COQ5: variants seen among roughly 807,000 people sequenced by gnomAD.
The protein encoded by COQ5 is 2-methoxy-6-polyprenyl-1,4-benzoquinol methylase, mitochondrial.
In COQ5, 27 loss-of-function variants were observed where a neutral mutation model predicts 40.5. The observed-to-expected ratio is 0.67, with a 90% CI of 0.49 to 0.92. The LOEUF is 0.92. COQ5 is among the 40% of genes least tolerant of loss of function. COQ5 has a pLI of 0.00. For missense variants in COQ5, 409 were observed against 406.4 expected (o/e 1.01, Z -0.06); for synonymous variants, 141 against 150.0 (o/e 0.94, Z 0.44).
chr12:120,517,463 G>A (rs1475774163), intron 2 of COQ5, among the ~76,000 whole-genome samples: 1 of 149,468 alleles, frequency 6.7e-6, no homozygotes, highest in Non-Finnish European at 1.5e-5. Context: ...GAGGTCAGGA[G>A]ATCGAGACCA....
chr12:120,528,906 A>T, intron 1 of COQ5, 34 bp downstream of exon 1: 1 of 1,589,650 alleles, frequency 6.3e-7, no homozygotes. Context: ...ATGGACGGTC[A>T]GATCCCTCCC....
chr12:120,525,817 C>T (rs1007963360), intron 1 of COQ5, among the ~76,000 whole-genome samples: 3 of 151,864 alleles, frequency 2.0e-5, no homozygotes, highest in Non-Finnish European at 2.9e-5. Context: ...CCCAGCTACT[C>T]GGGAGGCTGA....
chr12:120,504,059 G>A lies in COQ5; in HGVS notation c.793C>T (p.Gln265Ter), dbSNP rs1375725005. ...ISRLYDLYSF[Q>*]VIPVLGEVIA... ...ACCTCTCCCAGGACAGGGATGACCT[G>A]GAAGCTATATAGATCATAAAGCCTA... Residue 265 changes from glutamine (Q) to a stop codon, truncating the protein, a stop_gained, in exon 6 of 7, where the codon CAG (glutamine) becomes TAG (stop). Transcript: ENST00000288532. LOFTEE classifies it high-confidence loss of function. The A allele has an allele frequency of 1.2e-6, 2 of 1,610,224 alleles. No individual in the cohort carries two copies. The highest frequency in any genetic ancestry group is 1.3e-5 in the African/African-American group (1 of 74,942).
At chr12:120,520,570 C>T (rs535012112) in intron 2 of COQ5, among the ~76,000 whole-genome samples, 1 of 152,044 alleles carries the variant, frequency 6.6e-6, no homozygotes, top group Non-Finnish European at 1.5e-5. Context: ...ATGATCCGAC[C>T]GCCTCGGGCT....
rs1471570006 is a variant in COQ5, at chr12:120,522,371, G to A, written c.203-8C>T. The A allele has an allele frequency of 6.2e-7, 1 of 1,612,220 alleles. No individual in the cohort carries two copies. Among genetic ancestry groups the A allele is most frequent in the Non-Finnish European group, 8.5e-7 (1 of 1,178,472 alleles). On this transcript the variant is annotated splice_region_variant and splice_polypyrimidine_tract_variant and intron_variant, in intron 1 of 6. Coordinates refer to ENST00000288532, the MANE Select transcript of COQ5 (RefSeq NM_032314.4). ...TTTCAAACACCTGATAGACTGACATGGGAGAAACACACACAATAGTGCTAT... is the reference window on the plus strand; with the variant it reads ...TTTCAAACACCTGATAGACTGACATAGGAGAAACACACACAATAGTGCTAT...
intron 1 of COQ5, among the ~76,000 whole-genome samples, chr12:120,524,968 T>C (rs1836703825): frequency 1.3e-5 from 2 of 151,616 alleles, no homozygotes; most frequent in South Asian, 2.1e-4. Flanking sequence ...CGTGCCACCA[T>C]GCCCAGCTAA....
In COQ5 at chr12:120,524,905, G is replaced by A. The variant is rs1336342711; in HGVS notation, c.203-2542C>T. On this transcript the variant is annotated intron_variant, in intron 1 of 6. Transcript: ENST00000288532. ...GTGATCTTGGCTCACTGTAACCTCC[G>A]CCTCCCGGCAATTCTCCTGGCTCAG... Among the ~76,000 whole-genome samples, 23 of 147,134 alleles carry A rather than the reference G, an allele frequency of 1.6e-4. No individual in the cohort carries two copies. In the East Asian group the frequency reaches 2.6e-3, roughly 17 times the overall value.
intron 1 of COQ5, among the ~76,000 whole-genome samples, chr12:120,526,698 ATTTTTTTTTTTTTT>A (rs61584250): frequency 5.8e-4 from 37 of 64,152 alleles, no homozygotes; most frequent in South Asian, 2.8e-3. Flanking sequence ...ACTCTTGGCA[ATTTTTTTTTTTTTT>A]TTTTTTTTTT....
At chr12:120,517,794 A>G (rs1303550672) in intron 2 of COQ5, among the ~76,000 whole-genome samples, 1 of 149,248 alleles carries the variant, frequency 6.7e-6, no homozygotes, top group Admixed American at 6.7e-5. Flanking sequence ...TCTCTTTTCT[A>G]TATTTCCTTT....
At chr12:120,511,680 AC>A (rs1423950594) in intron 3 of COQ5, among the ~76,000 whole-genome samples, 1 of 152,050 alleles carries the variant, frequency 6.6e-6, no homozygotes, top group African/African-American at 2.4e-5. Flanking sequence ...ATGGACTGGA[AC>A]CCAGAGCCTA....
intron 2 of COQ5, 61 bp downstream of exon 2, chr12:120,522,153 G>C: frequency 5.1e-6 from 8 of 1,579,638 alleles, no homozygotes; most frequent in African/African-American, 1.3e-5. Context: ...CTCATTACAA[G>C]AGAGACTAAT....
At chr12:120,521,070 T>G (rs1412979493) in intron 2 of COQ5, among the ~76,000 whole-genome samples, 1 of 150,108 alleles carries the variant, frequency 6.7e-6, no homozygotes, top group Non-Finnish European at 1.5e-5. Flanking sequence ...CTGCGTTTTT[T>G]TTTTTTTTTT....
At chr12:120,513,172 A>G (rs1282826914) in intron 3 of COQ5, among the ~76,000 whole-genome samples, 2 of 150,484 alleles carry the variant, frequency 1.3e-5, no homozygotes, top group African/African-American at 4.9e-5. Context: ...CATAAAAAAT[A>G]TAAATAAAAC....
intron 1 of COQ5, among the ~76,000 whole-genome samples, chr12:120,525,301 T>G (rs1458152615): frequency 1.3e-5 from 2 of 152,090 alleles, no homozygotes; most frequent in Non-Finnish European, 2.9e-5. Context: ...GGTTTCACCA[T>G]GTTGGCCAGC....
intron 2 of COQ5, among the ~76,000 whole-genome samples, chr12:120,519,606 C>G (rs1448140847): frequency 1.3e-5 from 2 of 151,792 alleles, no homozygotes; most frequent in African/African-American, 4.8e-5. Flanking sequence ...CGTGATGGCT[C>G]ATGCCTATAA....
intron 4 of COQ5, 132 bp from the exon 5 acceptor site, chr12:120,505,115 C>A (rs985346143): frequency 2.7e-6 from 2 of 736,330 alleles, no homozygotes; most frequent in African/African-American, 3.5e-5. Flanking sequence ...TTTGTTCTCA[C>A]TTGGGAAGCT....
Position 120,504,038 on chromosome 12 carries a change from C to A in COQ5, c.814G>T (p.Glu272Ter). The change falls in exon 6 of 7, where the codon GAG becomes TAG. Residue 272 changes from glutamate to a stop codon, truncating the protein, a stop_gained. Coordinates refer to ENST00000288532, the MANE Select transcript of COQ5 (RefSeq NM_032314.4). LOFTEE classifies it high-confidence loss of function. ...GACTTCCAGTCTCCAGCGATGACCT[C>A]TCCCAGGACAGGGATGACCTGGAAG... ...YSFQVIPVLG[E>*]VIAGDWKSYQ... 1 of 1,613,626 alleles carries A rather than the reference C, an allele frequency of 6.2e-7. No individual in the cohort carries two copies. Among genetic ancestry groups the A allele is most frequent in the Non-Finnish European group, 8.5e-7 (1 of 1,179,526 alleles).
Position 120,504,085 on chromosome 12 carries a change from G to A in COQ5, c.771-4C>T. The A allele has an allele frequency of 1.3e-6, 2 of 1,554,248 alleles. No individual in the cohort carries two copies. The highest frequency in any genetic ancestry group is 8.9e-7 in the Non-Finnish European group (1 of 1,125,768). ...GAAGCTATATAGATCATAAAGCCTA[G>A]GCAAACAAAAAGGTAAAAGATGAAG... On this transcript the variant is annotated splice_polypyrimidine_tract_variant and splice_region_variant and intron_variant, in intron 5 of 6. Coordinates refer to ENST00000288532, the MANE Select transcript of COQ5 (RefSeq NM_032314.4).
At chr12:120,508,033 G>T (rs1326384981) in intron 4 of COQ5, among the ~76,000 whole-genome samples, 3 of 151,994 alleles carry the variant, frequency 2.0e-5, no homozygotes, top group African/African-American at 7.2e-5. Flanking sequence ...GTCTCACTCT[G>T]TCGCCCAGGC....
Sources: allele counts gnomAD v4.1 joint callset (sites outside exome capture counted in the v4.1 genomes callset), GRCh38; gene constraint gnomAD v4.1.1; transcripts MANE v1.5; gene names NCBI Gene and HGNC (gene_info 2026-07-23, HGNC 2026-07-21).